The following ABCA13 variants were observed in gnomAD, a reference collection of about 807,000 sequenced individuals.
ABCA13 encodes ATP binding cassette subfamily A member 13, also known as ATP-binding cassette sub-family A member 13.
Under a neutral mutation model 478.7 loss-of-function variants are expected in ABCA13, and 476 were observed. That is an observed-to-expected ratio of 0.99 (90% confidence interval 0.92 to 1.07). The LOEUF (loss-of-function observed/expected upper bound fraction) is 1.07. Among genes scored for constraint, ABCA13 ranks in the 50% least tolerant of loss-of-function variants. ABCA13 has a pLI of 0.00. For missense variants in ABCA13, 6,060 were observed against 5,910.6 expected, an observed-to-expected ratio of 1.03 and a Z score of -0.83; for synonymous variants, 2,252 against 2,158.9, an observed-to-expected ratio of 1.04 and a Z score of -1.20.
At chr7:48,477,631 A>G (rs1828268564) in intron 45 of ABCA13, among the ~76,000 whole-genome samples, 1 of 151,628 alleles carries the variant, frequency 6.6e-6, no homozygotes, top group Non-Finnish European at 1.5e-5. Flanking sequence ...TCAGCAAACT[A>G]TCGCAAGGAC....
intron 27 of ABCA13, among the ~76,000 whole-genome samples, chr7:48,334,638 A>G (rs1284430902): frequency 1.3e-5 from 2 of 152,092 alleles, no homozygotes; most frequent in South Asian, 2.1e-4. Flanking sequence ...CCCGGCCTCT[A>G]TCCCTATTTT....
At chr7:48,423,660 A>G (rs913709665) in intron 41 of ABCA13, among the ~76,000 whole-genome samples, 26 of 152,192 alleles carry the variant, frequency 1.7e-4, no homozygotes, top group Admixed American at 2.6e-4. Flanking sequence ...CAAATGAAGA[A>G]TCCCAAAACT....
intron 47 of ABCA13, among the ~76,000 whole-genome samples, chr7:48,485,228 GT>G (rs1002975962): frequency 2.7e-5 from 4 of 149,860 alleles, no homozygotes; most frequent in East Asian, 2.0e-4. Flanking sequence ...TCCACTGAGA[GT>G]TTTTTTTTTC....
chr7:48,429,216 GT>G, intron 42 of ABCA13, among the ~76,000 whole-genome samples: 1 of 152,228 alleles, frequency 6.6e-6, no homozygotes, highest in South Asian at 2.1e-4. Context: ...GTTGTTTCCA[GT>G]TTTTTACTAT....
intron 3 of ABCA13, among the ~76,000 whole-genome samples, chr7:48,203,466 G>A (rs571492982): frequency 3.3e-5 from 5 of 152,350 alleles, no homozygotes; most frequent in African/African-American, 7.2e-5. Context: ...CTGCCAGCAC[G>A]CTGTCACCTC....
intron 3 of ABCA13, among the ~76,000 whole-genome samples, chr7:48,206,690 G>C (rs990337465): frequency 2.8e-4 from 42 of 151,966 alleles, no homozygotes; most frequent in African/African-American, 9.9e-4. Context: ...ATATATCTCT[G>C]AGGTATGTGC....
intron 55 of ABCA13, among the ~76,000 whole-genome samples, chr7:48,534,816 C>T (rs1354175364): frequency 3.9e-5 from 6 of 152,024 alleles, no homozygotes; most frequent in South Asian, 2.1e-4. Context: ...CTTTCCAGTG[C>T]GTGTTGCATT....
At chr7:48,621,268 T>C (rs1793103771) in intron 59 of ABCA13, among the ~76,000 whole-genome samples, 1 of 152,222 alleles carries the variant, frequency 6.6e-6, no homozygotes, top group Non-Finnish European at 1.5e-5. Context: ...TTGGCATAAG[T>C]TTGCATCCTG....
chr7:48,387,916 A>C lies in ABCA13; in HGVS notation c.11430A>C (p.Leu3810=). The C allele has an allele frequency of 6.2e-7, 1 of 1,613,274 alleles. No homozygotes were observed. Among genetic ancestry groups the C allele is most frequent in the Non-Finnish European group, 8.5e-7 (1 of 1,179,576 alleles). Residue 3810 remains leucine (L), a synonymous_variant, in exon 36 of 62, where the codon CTA becomes CTC. Coordinates refer to ENST00000435803, the MANE Select transcript of ABCA13 (RefSeq NM_152701.5). Reference sequence around the variant, plus strand: ...TGGTGGAGAAAAGGCAATACTTTCTAAGTTCTAGTCTGTTCTTCTTCAATG... The same window carrying C: ...TGGTGGAGAAAAGGCAATACTTTCTCAGTTCTAGTCTGTTCTTCTTCAATG... The part of the protein sequence containing the change: ...GFLVEKRQYF[L]SSSLFFFNEN...
rs376928055 is a variant in ABCA13 at position 48,272,113 on chromosome 7, C to G, written c.2447C>G (p.Pro816Arg). Reference protein sequence around the residue: ...TLGSHWIRKEPKNLLRFIELI... With the variant: ...TLGSHWIRKERKNLLRFIELI... Reference sequence around the variant, plus strand: ...GGAAGTCACTGGATAAGGAAGGAACCAAAAAATCTTTTGAGATTCATAGAA... The same window carrying G: ...GGAAGTCACTGGATAAGGAAGGAACGAAAAAATCTTTTGAGATTCATAGAA... The change falls in exon 17 of 62, where the codon CCA (proline) becomes CGA (arginine). Residue 816 changes from proline to arginine, a missense_variant. Physicochemically the swap from Pro to Arg is moderately radical, Grantham distance 103. Transcript: ENST00000435803. 9.9e-6 allele frequency: 16 copies of G among 1,613,260 alleles called. No individual in the cohort carries two copies. In the African/African-American group the frequency reaches 1.9e-4, roughly 19 times the overall value.
At chr7:48,500,327 G>A (rs533999813) in intron 48 of ABCA13, among the ~76,000 whole-genome samples, 5 of 152,120 alleles carry the variant, frequency 3.3e-5, no homozygotes, top group Non-Finnish European at 5.9e-5. Context: ...CGTTGCAATT[G>A]CTCCTACCTG....
intron 1 of ABCA13, among the ~76,000 whole-genome samples, chr7:48,188,894 G>A (rs560170236): frequency 3.9e-5 from 6 of 152,342 alleles, no homozygotes; most frequent in Non-Finnish European, 8.8e-5. Flanking sequence ...TTCATGGTGA[G>A]AAGTGCCTTG....
intron 59 of ABCA13, among the ~76,000 whole-genome samples, chr7:48,635,330 A>T (rs979177068): frequency 3.3e-5 from 5 of 152,112 alleles, no homozygotes; most frequent in African/African-American, 1.2e-4. Flanking sequence ...GGAAACATAT[A>T]TGAGCCACAT....
intron 43 of ABCA13, among the ~76,000 whole-genome samples, chr7:48,456,668 T>G (rs1316790600): frequency 6.6e-6 from 1 of 152,178 alleles, no homozygotes; most frequent in Non-Finnish European, 1.5e-5. Context: ...GTATCTCTTC[T>G]TATAAATCAG....
chr7:48,276,173 G>A lies in ABCA13; in HGVS notation c.6507G>A (p.Trp2169Ter). The A allele has an allele frequency of 6.3e-7, 1 of 1,592,418 alleles. No homozygotes were observed. The highest frequency in any genetic ancestry group is 1.1e-5 in the South Asian group (1 of 87,072). The change falls in exon 17 of 62, where the codon TGG becomes TGA. Residue 2169 changes from tryptophan to a stop codon, truncating the protein, a stop_gained. Coordinates refer to ENST00000435803, the MANE Select transcript of ABCA13 (RefSeq NM_152701.5). LOFTEE classifies it high-confidence loss of function. ...ALLAKAIATFWGSLKNISRAG... is the reference protein window; with the variant it reads ...ALLAKAIATF ...TAGCCAAAGCTATTGCTACTTTTTG[G>A]GGCTCTTTAAAAAATATATCTAGAG...
At chr7:48,425,979 G>A (rs1422151430) in intron 41 of ABCA13, among the ~76,000 whole-genome samples, 2 of 152,002 alleles carry the variant, frequency 1.3e-5, no homozygotes, top group Non-Finnish European at 2.9e-5. Flanking sequence ...CTGACCTCGT[G>A]ATCCGCCCGC....
In ABCA13 at chr7:48,632,417, G is replaced by T. The variant is rs530145159; in HGVS notation, c.14838-10871G>T. On this transcript the variant is annotated intron_variant, in intron 59 of 61. Transcript: ENST00000435803. ...TGAAAGCACAAACATGTTTAATTTT[G>T]ATGATACTTAATTAATCTTTTTTTC... Among the ~76,000 whole-genome samples the T allele has an allele frequency of 3.9e-5, 6 of 152,134 alleles. No homozygotes were observed. The South Asian group carries it at 1.2e-3, about 32-fold the overall frequency.
chr7:48,443,562 A>T (rs528053337), intron 42 of ABCA13, among the ~76,000 whole-genome samples: 1 of 152,070 alleles, frequency 6.6e-6, no homozygotes, highest in Admixed American at 6.6e-5. Context: ...CACTTTGCTG[A>T]TTTGTTGTTA....
intron 39 of ABCA13, 112 bp downstream of exon 39, chr7:48,403,991 T>C (rs1395099004): frequency 7.8e-7 from 1 of 1,289,458 alleles, no homozygotes; most frequent in Non-Finnish European, 1.1e-6. Flanking sequence ...ACATTATCCT[T>C]TTCAGAAAAA....
Sources: allele counts gnomAD v4.1 joint callset (sites outside exome capture counted in the v4.1 genomes callset), GRCh38; gene constraint gnomAD v4.1.1; transcripts MANE v1.5; gene names NCBI Gene and HGNC (gene_info 2026-07-23, HGNC 2026-07-21).